Variants in AP3M1 observed in about 807,000 individuals in gnomAD.
AP3M1 encodes the protein adaptor related protein complex 3 subunit mu 1, also known as AP-3 complex subunit mu-1.
AP3M1 carries 29 observed loss-of-function variants against 42.6 expected under a neutral mutation model. The ratio of observed to expected loss-of-function variants is 0.68; its 90% confidence interval spans 0.51 to 0.93. The LOEUF (loss-of-function observed/expected upper bound fraction) is 0.93. AP3M1 is among the 40% of genes least tolerant of loss of function. AP3M1 has a pLI of 0.00. For missense variants in AP3M1, 416 were observed against 510.2 expected (o/e 0.82, Z 1.78); for synonymous variants, 178 against 175.3 (o/e 1.02, Z -0.12).
In AP3M1 at chr10:74,136,887, T is replaced by TA. The variant is rs558425640; in HGVS notation, c.274-85dup. The TA allele has an allele frequency of 2.5e-3, 2,238 of 898,160 alleles. 4 individuals carry two copies. The highest frequency in any genetic ancestry group is 3.3e-3 in the Non-Finnish European group (2,102 of 632,010). The allele number at this position is 898,160 out of a possible 1,614,324, so 55.6% of individuals were successfully genotyped here. On this transcript the variant is annotated intron_variant, in intron 2 of 8. Coordinates refer to ENST00000355264, the MANE Select transcript of AP3M1 (RefSeq NM_012095.6). ...TACTTTTTGTTCTGAAGAATAAACT[T>TA]AGAGTAGCATAATTCATTGCTTAAG...
chr10:74,128,100 TAAAAAAAAA>T (rs754897677), intron 6 of AP3M1, among the ~76,000 whole-genome samples: 4 of 68,432 alleles, frequency 5.8e-5, no homozygotes, highest in African/African-American at 2.6e-4. Flanking sequence ...AACTCCGGCT[TAAAAAAAAA>T]AAAAAAAAAA....
chr10:74,150,114 T>G (rs920507515), intron 1 of AP3M1, among the ~76,000 whole-genome samples: 65 of 152,120 alleles, frequency 4.3e-4, no homozygotes, highest in Non-Finnish European at 9.4e-4. Flanking sequence ...ATTCTCATAA[T>G]TTTTTTTAAA....
chr10:74,143,499 C>G (rs1383461823), intron 1 of AP3M1, among the ~76,000 whole-genome samples: 1 of 152,150 alleles, frequency 6.6e-6, no homozygotes, highest in Non-Finnish European at 1.5e-5. Context: ...AGTGAAGCTA[C>G]TGTACTCAGT....
chr10:74,127,954 G>A (rs996916110), intron 6 of AP3M1, among the ~76,000 whole-genome samples: 40 of 151,414 alleles, frequency 2.6e-4, no homozygotes, highest in Admixed American at 2.0e-3. Flanking sequence ...CACAAAATTA[G>A]CCGGGTGTGG....
chr10:74,133,816 G>A (rs567730206), intron 4 of AP3M1, among the ~76,000 whole-genome samples: 4 of 151,750 alleles, frequency 2.6e-5, no homozygotes, highest in South Asian at 2.1e-4. Context: ...CACCATGCCC[G>A]GCTAATTTTT....
At chr10:74,145,182 G>A (rs1035055690) in intron 1 of AP3M1, among the ~76,000 whole-genome samples, 6 of 152,196 alleles carry the variant, frequency 3.9e-5, no homozygotes, top group Admixed American at 1.3e-4. Flanking sequence ...TGAAAGAGTT[G>A]CTTGTTTTGA....
chr10:74,132,899 C>T (rs1386076437), intron 4 of AP3M1, among the ~76,000 whole-genome samples: 2 of 152,278 alleles, frequency 1.3e-5, no homozygotes, highest in South Asian at 2.1e-4. Context: ...TTCTGATTTA[C>T]ATGTTTGGCA....
At chr10:74,143,081 T>C (rs987354305) in intron 1 of AP3M1, among the ~76,000 whole-genome samples, 9 of 152,364 alleles carry the variant, frequency 5.9e-5, no homozygotes, top group African/African-American at 2.2e-4. Flanking sequence ...CCAGGCACAG[T>C]GGCTCACGCC....
At chr10:74,128,100 T>TAAAAAAAAAAAAA (rs754897677) in intron 6 of AP3M1, among the ~76,000 whole-genome samples, 2 of 68,426 alleles carry the variant, frequency 2.9e-5, no homozygotes, top group Non-Finnish European at 5.5e-5. Context: ...AACTCCGGCT[T>TAAAAAAAAAAAAA]AAAAAAAAAA....
At chr10:74,145,339 A>C (rs1841295368) in intron 1 of AP3M1, among the ~76,000 whole-genome samples, 1 of 152,238 alleles carries the variant, frequency 6.6e-6, no homozygotes, top group Non-Finnish European at 1.5e-5. Flanking sequence ...AAGTTAAACC[A>C]GCCTCCTAGA....
chr10:74,141,941 T>C (rs1357309877), intron 1 of AP3M1, among the ~76,000 whole-genome samples: 2 of 151,756 alleles, frequency 1.3e-5, no homozygotes, highest in African/African-American at 4.8e-5. Flanking sequence ...CAGGCTGGTC[T>C]TGAACTCCTG....
chr10:74,139,451 T>TAA (rs3037356), intron 1 of AP3M1, among the ~76,000 whole-genome samples: 1,828 of 146,508 alleles, frequency 0.012, 45 homozygotes, highest in African/African-American at 0.044. Context: ...TCATCTCTAT[T>TAA]AAAAAAAAAA....
intron 1 of AP3M1, among the ~76,000 whole-genome samples, chr10:74,142,866 C>T (rs1295424413): frequency 5.3e-5 from 8 of 152,122 alleles, no homozygotes; most frequent in Non-Finnish European, 8.8e-5. Flanking sequence ...AATATCCAAC[C>T]ATAAGATCTG....
Position 74,136,678 on chromosome 10 carries a change from C to A in AP3M1, c.399G>T (p.Leu133Phe). The A allele has an allele frequency of 6.3e-7, 1 of 1,595,888 alleles. No homozygotes were observed. Among genetic ancestry groups the A allele is most frequent in the South Asian group, 1.1e-5 (1 of 89,636 alleles). Reference sequence around the variant, plus strand: ...AGCGTAGAATTGTTGGTGGTTTAATCAATTCTTTCAAAATGTTAGATTCGG... The same window carrying A: ...AGCGTAGAATTGTTGGTGGTTTAATAAATTCTTTCAAAATGTTAGATTCGG... ...LATESNILKELIKPPTILRSV... is the reference protein window; with the variant it reads ...LATESNILKEFIKPPTILRSV... Residue 133 changes from leucine (L) to phenylalanine (F), a missense_variant, in exon 3 of 9, where the codon TTG becomes TTT. Physicochemically the swap from Leu to Phe is conservative, Grantham distance 22. Transcript: ENST00000355264.
chr10:74,149,845 T>A (rs1456973553), intron 1 of AP3M1, among the ~76,000 whole-genome samples: 2 of 152,140 alleles, frequency 1.3e-5, no homozygotes, highest in African/African-American at 2.4e-5. Context: ...CTCTCAATAA[T>A]CTTGCTTCAT....
At chr10:74,149,444 C>T (rs1841465194) in intron 1 of AP3M1, among the ~76,000 whole-genome samples, 1 of 151,732 alleles carries the variant, frequency 6.6e-6, no homozygotes, top group African/African-American at 2.4e-5. Flanking sequence ...CGTGTGCCAC[C>T]ACACCTGGCT....
chr10:74,132,173 G>GT (rs1840797394), intron 4 of AP3M1, among the ~76,000 whole-genome samples: 2 of 152,024 alleles, frequency 1.3e-5, no homozygotes, highest in South Asian at 4.2e-4. Context: ...AAGTAGCTGG[G>GT]TTTACAGGCG....
At chr10:74,144,839 T>G (rs756327035) in intron 1 of AP3M1, among the ~76,000 whole-genome samples, 22 of 151,990 alleles carry the variant, frequency 1.4e-4, no homozygotes, top group Non-Finnish European at 2.2e-4. Flanking sequence ...ATTTTTTGTA[T>G]TTTTAGTAGA....
At chr10:74,127,470 C>A (rs1840651762) in intron 6 of AP3M1, among the ~76,000 whole-genome samples, 2 of 151,638 alleles carry the variant, frequency 1.3e-5, no homozygotes, top group East Asian at 1.9e-4. Flanking sequence ...ATGGTGAAAT[C>A]CCCTCTCTAA....
Sources: allele counts gnomAD v4.1 joint callset (sites outside exome capture counted in the v4.1 genomes callset), GRCh38; gene constraint gnomAD v4.1.1; transcripts MANE v1.5; gene names NCBI Gene and HGNC (gene_info 2026-07-23, HGNC 2026-07-21).